Variants in VRK2 observed in about 807,000 individuals in gnomAD.
VRK2 encodes VRK serine/threonine kinase 2.
Under a neutral mutation model 57.6 loss-of-function variants are expected in VRK2, and 60 were observed. The ratio of observed to expected loss-of-function variants is 1.04; its 90% confidence interval spans 0.85 to 1.29. The LOEUF (loss-of-function observed/expected upper bound fraction) is 1.29, where lower values mean the gene tolerates loss of function less well. VRK2 is among the 50% of genes most tolerant of loss of function. The probability of loss-of-function intolerance (pLI) is 0.00; values close to 1 mark genes in which losing one functional copy is unlikely to be tolerated. For missense variants in VRK2, 705 were observed against 588.1 expected, an observed-to-expected ratio of 1.20 and a Z score of -2.06; for synonymous variants, 231 against 199.2, an observed-to-expected ratio of 1.16 and a Z score of -1.35.
intron 1 of VRK2, chr2:58,047,266 C>T (rs987811854): frequency 1.4e-5 from 5 of 345,524 alleles, no homozygotes; most frequent in South Asian, 1.2e-4. Flanking sequence ...CGTTACCTTC[C>T]GCAGGGTCAG....
intron 10 of VRK2, among the ~76,000 whole-genome samples, chr2:58,136,780 A>ATG (rs1484471492): frequency 6.9e-6 from 1 of 145,224 alleles, no homozygotes; most frequent in East Asian, 2.0e-4. Context: ...TATCATATAT[A>ATG]TGTGTATATA....
At chr2:57,931,841 A>G (rs571042203) in intron 1 of VRK2, among the ~76,000 whole-genome samples, 2 of 145,848 alleles carry the variant, frequency 1.4e-5, no homozygotes, top group Non-Finnish European at 3.0e-5. Context: ...GTATATGTAT[A>G]TTCAGTTTCC....
chr2:58,007,307 C>T (rs923393040), intron 1 of VRK2, among the ~76,000 whole-genome samples: 2 of 150,306 alleles, frequency 1.3e-5, no homozygotes, highest in Non-Finnish European at 3.0e-5. Context: ...GTAATTGATT[C>T]TTTTCTCTGG....
chr2:58,032,587 G>T (rs1674150619), intron 2 of VRK2, among the ~76,000 whole-genome samples: 1 of 150,114 alleles, frequency 6.7e-6, no homozygotes, highest in Admixed American at 6.6e-5. Context: ...TTTCTCAATT[G>T]TACCTCTCAA....
intron 4 of VRK2, among the ~76,000 whole-genome samples, 188 bp from the exon 5 acceptor site, chr2:58,086,151 C>G (rs1043258197): frequency 9.9e-5 from 15 of 151,252 alleles, no homozygotes; most frequent in African/African-American, 3.6e-4. Flanking sequence ...TTAAAAATTT[C>G]TAATTTTTTG....
At chr2:58,025,572 T>C (rs1673899334) in intron 1 of VRK2, 1 of 152,212 alleles carries the variant, frequency 6.6e-6, no homozygotes, top group African/African-American at 2.4e-5. Flanking sequence ...GGTTATTTTA[T>C]AAATTTTGCT....
At chr2:58,120,689 T>C (rs1677353637) in intron 7 of VRK2, among the ~76,000 whole-genome samples, 1 of 152,234 alleles carries the variant, frequency 6.6e-6, no homozygotes, top group Admixed American at 6.5e-5. Flanking sequence ...TTAAGAATAC[T>C]TGAAATTAAA....
intron 1 of VRK2, among the ~76,000 whole-genome samples, chr2:58,012,646 C>G (rs1180587499): frequency 6.6e-6 from 1 of 152,180 alleles, no homozygotes; most frequent in Non-Finnish European, 1.5e-5. Context: ...AAGGGCCTAC[C>G]TGGACTACAC....
At chr2:58,076,194 C>G (rs1670087443) in intron 2 of VRK2, among the ~76,000 whole-genome samples, 1 of 148,656 alleles carries the variant, frequency 6.7e-6, no homozygotes, top group East Asian at 2.0e-4. Context: ...CTTATCTGTA[C>G]AGATGCTCCT....
chr2:58,143,700 T>C (rs534657539), intron 11 of VRK2, among the ~76,000 whole-genome samples: 10 of 151,790 alleles, frequency 6.6e-5, no homozygotes, highest in Non-Finnish European at 1.2e-4. Context: ...TAGCTAAAAA[T>C]AAAACTGCCA....
chr2:58,138,604 C>T (rs1387314023), intron 10 of VRK2, among the ~76,000 whole-genome samples: 1 of 152,114 alleles, frequency 6.6e-6, no homozygotes, highest in African/African-American at 2.4e-5. Context: ...AGTGCCTCTG[C>T]AGTTTTCCTT....
intron 7 of VRK2, among the ~76,000 whole-genome samples, chr2:58,111,478 C>T (rs946296774): frequency 7.9e-5 from 12 of 152,052 alleles, no homozygotes; most frequent in Admixed American, 6.5e-5. Context: ...GGAGTCTGGG[C>T]GTGGCAGCTC....
intron 1 of VRK2, among the ~76,000 whole-genome samples, chr2:57,941,722 C>T (rs1316829322): frequency 6.6e-6 from 1 of 152,140 alleles, no homozygotes; most frequent in Non-Finnish European, 1.5e-5. Flanking sequence ...TGCATTATTG[C>T]TGCTGTTAAC....
chr2:58,120,044 G>A (rs537720642), intron 7 of VRK2, among the ~76,000 whole-genome samples: 2 of 151,826 alleles, frequency 1.3e-5, no homozygotes, highest in African/African-American at 2.4e-5. Flanking sequence ...CTTTCTTAGA[G>A]TGCATGCTCC....
At chr2:58,076,758 C>T (rs72810332) in intron 2 of VRK2, among the ~76,000 whole-genome samples, 15,034 of 151,536 alleles carry the variant, frequency 0.099, 795 homozygotes, top group East Asian at 0.14. Context: ...TTCCAGTACT[C>T]GCACAATTTT....
At position 58,126,543 on chromosome 2, in the gene VRK2, A is replaced by G. The variant is rs529714162; in HGVS notation, c.676+3310A>G. On this transcript the variant is annotated intron_variant, in intron 8 of 12. Coordinates refer to ENST00000340157, the MANE Select transcript of VRK2 (RefSeq NM_006296.7). ...AAGATATGCATGGAGATGTATCGTGATGGATGGACAGATGGATGAATGGAT... is the reference window on the plus strand; with the variant it reads ...AAGATATGCATGGAGATGTATCGTGGTGGATGGACAGATGGATGAATGGAT... 1.1e-3 allele frequency among the ~76,000 whole-genome samples: 165 copies of G among 146,190 alleles called. 1 individual carries two copies. Among genetic ancestry groups the G allele is most frequent in the African/African-American group, 4.4e-3 (158 of 35,732 alleles).
At chr2:58,037,187 T>C (rs1335223532) in intron 3 of VRK2, among the ~76,000 whole-genome samples, 1 of 151,984 alleles carries the variant, frequency 6.6e-6, no homozygotes, top group Non-Finnish European at 1.5e-5. Flanking sequence ...CCTCCTGCCT[T>C]AGCCTTCCAA....
rs114319161 is a variant in VRK2, at chr2:58,151,529, A to G, written c.1182+5055A>G. Reference sequence around the variant, plus strand: ...TATTTTATAAAATCTGGCAAACACTATCTTTTATTTGCTCCATATCTATTT... The same window carrying G: ...TATTTTATAAAATCTGGCAAACACTGTCTTTTATTTGCTCCATATCTATTT... On this transcript the variant is annotated intron_variant, in intron 12 of 12. Coordinates refer to ENST00000340157, the MANE Select transcript of VRK2 (RefSeq NM_006296.7). Among the ~76,000 whole-genome samples the G allele has an allele frequency of 3.7e-3, 559 of 151,626 alleles. 2 individuals carry two copies. Among genetic ancestry groups the G allele is most frequent in the Middle Eastern group, 0.014 (4 of 292 alleles).
chr2:58,047,431 G>C (rs1035230105), intron 1 of VRK2: 1 of 985,402 alleles, frequency 1.0e-6, no homozygotes, highest in Non-Finnish European at 1.2e-6. Flanking sequence ...AGAGGCTGTC[G>C]TTTCCCTTGG....
Sources: allele counts gnomAD v4.1 joint callset (sites outside exome capture counted in the v4.1 genomes callset), GRCh38; gene constraint gnomAD v4.1.1; transcripts MANE v1.5; gene names NCBI Gene and HGNC (gene_info 2026-07-23, HGNC 2026-07-21).